The following SBF1 variants were observed in gnomAD, a reference collection of about 807,000 sequenced individuals.
SBF1 encodes the protein SET binding factor 1, also known as myotubularin-related protein 5.
SBF1 carries 65 observed loss-of-function variants against 215.8 expected under a neutral mutation model. That is an observed-to-expected ratio of 0.30 (90% confidence interval 0.25 to 0.37). SBF1 has a LOEUF of 0.37. Among genes scored for constraint, SBF1 ranks in the 10% least tolerant of loss-of-function variants. The pLI, the probability that SBF1 is intolerant of heterozygous loss-of-function variation, is 1.00. For synonymous variants in SBF1, 1,410 were observed against 1,122.8 expected, an observed-to-expected ratio of 1.26 and a Z score of -5.11; for missense variants, 2,634 against 2,667.8, an observed-to-expected ratio of 0.99 and a Z score of 0.28.
At position 50,462,053 on chromosome 22, in the gene SBF1, G is replaced by A. The variant is rs780745221; in HGVS notation, c.2463C>T (p.Asp821=). The A allele has an allele frequency of 1.8e-5, 29 of 1,614,070 alleles. No individual in the cohort carries two copies. The Admixed American group carries it at 2.0e-4, about 11-fold the overall frequency. ...ESGFEDAETC[D]VAGAVVRFIN... The stretch of plus-strand genomic sequence containing the variant: ...TGAAGCGGACCACAGCCCCAGCTAC[G>A]TCGCAGGTCTCTGCATCCTCGAAGC... Residue 821 remains aspartate (D), a synonymous_variant, in exon 20 of 41, where the codon GAC becomes GAT. Coordinates refer to ENST00000380817, the MANE Select transcript of SBF1 (RefSeq NM_002972.4).
At chr22:50,458,037 C>T (rs1296148153) in intron 28 of SBF1, among the ~76,000 whole-genome samples, 2 of 152,192 alleles carry the variant, frequency 1.3e-5, no homozygotes, top group African/African-American at 2.4e-5. Flanking sequence ...CAGTGGCTCA[C>T]GCCTGTAATC....
Position 50,459,624 on chromosome 22 carries a change from G to T in SBF1, c.3534C>A (p.Asn1178Lys). The change falls in exon 27 of 41, where the codon AAC becomes AAA. Residue 1178 changes from asparagine (N) to lysine (K), a missense_variant. Physicochemically the swap from Asn to Lys is moderately conservative, Grantham distance 94. Coordinates refer to ENST00000380817, the MANE Select transcript of SBF1 (RefSeq NM_002972.4). Reference sequence around the variant, plus strand: ...AGCAGCGGGACACGCGCTGCAGGGCGTTGTCCTGGACACTCTGGGGCACGA... The same window carrying T: ...AGCAGCGGGACACGCGCTGCAGGGCTTTGTCCTGGACACTCTGGGGCACGA... ...LLIVPQSVQD[N>K]ALQRVSRCYR... 2 of 1,609,606 alleles carry T rather than the reference G, an allele frequency of 1.2e-6. No homozygotes were observed. Among genetic ancestry groups the T allele is most frequent in the Non-Finnish European group, 1.7e-6 (2 of 1,178,836 alleles).
At position 50,456,341 on chromosome 22, in the gene SBF1, C is replaced by T; in HGVS notation, c.4141G>A (p.Glu1381Lys). Residue 1381 changes from glutamate to lysine, a missense_variant, in exon 31 of 41, where the codon GAG becomes AAG. Coordinates refer to ENST00000380817, the MANE Select transcript of SBF1 (RefSeq NM_002972.4). ...AAGCTAGCCTTCACCTGCCGTGCCT[C>T]GAATACCTCAATGGGCACCAGCTCC... ...QWELVPIEVF[E>K]ARQVKASFKK... 6.2e-7 allele frequency: 1 copy of T among 1,613,368 alleles called. No individual in the cohort carries two copies. Among genetic ancestry groups the T allele is most frequent in the Non-Finnish European group, 8.5e-7 (1 of 1,180,004 alleles).
intron 22 of SBF1, 49 bp from the exon 23 acceptor site, chr22:50,461,335 G>C (rs749465705): frequency 8.3e-6 from 13 of 1,563,852 alleles, no homozygotes; most frequent in Admixed American, 7.3e-5. Flanking sequence ...AAGGGGGGGG[G>C]GGTCCCAGAA....
chr22:50,448,388 A>C lies in SBF1; in HGVS notation c.5208T>G (p.Gly1736=). The change falls in exon 38 of 41, where the codon GGT becomes GGG. Residue 1736 remains glycine (G), a synonymous_variant. Coordinates refer to ENST00000380817, the MANE Select transcript of SBF1 (RefSeq NM_002972.4). ...STAPHHRRSL[G]VYLQEGPVGS... is the part of the protein sequence containing the mutation. ...CCACGGGCCCCTCCTGCAGGTACAC[A>C]CCCAGCGAGCGACGGTGGTGGGGTG... 2 of 1,613,880 alleles carry C rather than the reference A, an allele frequency of 1.2e-6. No homozygotes were observed. The highest frequency in any genetic ancestry group is 1.1e-5 in the South Asian group (1 of 91,082).
In SBF1 at chr22:50,462,267, T is replaced by A. The variant is rs371684891; in HGVS notation, c.2334A>T (p.Leu778=). 2.5e-6 allele frequency: 4 copies of A among 1,611,834 alleles called. No individual in the cohort carries two copies. The highest frequency in any genetic ancestry group is 3.4e-6 in the Non-Finnish European group (4 of 1,179,984). Residue 778 remains leucine (L), a synonymous_variant, in exon 19 of 41, where the codon CTA becomes CTT. Transcript: ENST00000380817. Reference sequence around the variant, plus strand: ...CGCCCAGCCCGGCACGCTCCCGAAGTAGGCGGCTCTTGCTGCTGTCCAGGG... The same window carrying A: ...CGCCCAGCCCGGCACGCTCCCGAAGAAGGCGGCTCTTGCTGCTGTCCAGGG... ...LLPLDSSKSR[L]LRERAGLGDL...
In SBF1 at chr22:50,464,979, G is replaced by A. The variant is rs773825562; in HGVS notation, c.1332+22C>T. 1.1e-5 allele frequency: 17 copies of A among 1,613,882 alleles called. No homozygotes were observed. In the South Asian group the frequency reaches 1.8e-4, roughly 17 times the overall value. ...CAGGCGGAGCCAGGGCAGGGGGCTGGGAGGGCAGGGTGGAGGTGCACCTCA... is the reference window on the plus strand; with the variant it reads ...CAGGCGGAGCCAGGGCAGGGGGCTGAGAGGGCAGGGTGGAGGTGCACCTCA... On this transcript the variant is annotated intron_variant, in intron 12 of 40. Transcript: ENST00000380817.
chr22:50,466,788 G>A (rs2067780352), intron 5 of SBF1, 78 bp from the exon 6 acceptor site: 5 of 1,024,884 alleles, frequency 4.9e-6, no homozygotes, highest in East Asian at 2.7e-5. Flanking sequence ...TGTGTCCCCA[G>A]GCAGACCCTG....
intron 36 of SBF1, among the ~76,000 whole-genome samples, chr22:50,449,289 G>A (rs944848923): frequency 2.6e-5 from 4 of 151,718 alleles, no homozygotes; most frequent in Non-Finnish European, 5.9e-5. Context: ...ACCCTGAAAT[G>A]AAACAGGAGT....
chr22:50,463,177 G>A lies in SBF1; in HGVS notation c.1899+106C>T, dbSNP rs1180764214. 6.2e-6 allele frequency: 9 copies of A among 1,443,962 alleles called. No homozygotes were observed. The Admixed American group carries it at 9.5e-5, about 15-fold the overall frequency. The allele number at this position is 1,443,962 out of a possible 1,614,324, so 89.4% of individuals were successfully genotyped here. A position where few individuals can be genotyped will look rare whatever the true frequency, so the allele number is the denominator to read the frequency against. On this transcript the variant is annotated intron_variant, in intron 16 of 40. Coordinates refer to ENST00000380817, the MANE Select transcript of SBF1 (RefSeq NM_002972.4). ...CGAGGACCCCTGCCCACTGGCACAG[G>A]AGTCTCTTGCACCGTCTCTCCACTC...
chr22:50,471,840 T>G (rs2068007191), intron 1 of SBF1, among the ~76,000 whole-genome samples: 1 of 152,020 alleles, frequency 6.6e-6, no homozygotes, highest in Non-Finnish European at 1.5e-5. Context: ...GGACAGTAGA[T>G]GGGGCTCAAG....
intron 4 of SBF1, 23 bp from the exon 5 acceptor site, chr22:50,467,471 T>C: frequency 6.2e-7 from 1 of 1,613,450 alleles, no homozygotes; most frequent in Non-Finnish European, 8.5e-7. Flanking sequence ...GAGCGGGGAG[T>C]GGTGGGACAG....
intron 36 of SBF1, among the ~76,000 whole-genome samples, chr22:50,449,907 G>A (rs1350288922): frequency 6.6e-6 from 1 of 152,200 alleles, no homozygotes; most frequent in Non-Finnish European, 1.5e-5. Context: ...CAGACAAGCA[G>A]TGCAGCTTGA....
chr22:50,473,326 C>A (rs973802107), intron 1 of SBF1, among the ~76,000 whole-genome samples: 9 of 152,194 alleles, frequency 5.9e-5, no homozygotes, highest in African/African-American at 2.2e-4. Flanking sequence ...GATCCTCAGG[C>A]ACCCTCTGCC....
In SBF1 at chr22:50,467,775, C is replaced by T. The variant is rs538116086; in HGVS notation, c.279+11G>A. ...CTTCATTCATGCTGTACCCAGAGGC[C>T]CCAAGCTGACCTGTGAAGGCTCCGC... On this transcript the variant is annotated intron_variant, in intron 3 of 40. Coordinates refer to ENST00000380817, the MANE Select transcript of SBF1 (RefSeq NM_002972.4). 42 of 1,613,712 alleles carry T rather than the reference C, an allele frequency of 2.6e-5. 1 individual carries two copies. The East Asian group carries it at 5.3e-4, about 21-fold the overall frequency.
chr22:50,446,280 C>T lies in SBF1; in HGVS notation c.*862G>A, dbSNP rs1424076205. ...GTCCATCCCCCATGGGCGTTGGCCC[C>T]TTACTCTGCCAGATGCTGCTCGTTG... On this transcript the variant is annotated 3_prime_UTR_variant, in exon 41 of 41. Transcript: ENST00000380817. 2.0e-5 allele frequency: 3 copies of T among 151,818 alleles called. No homozygotes were observed. The highest frequency in any genetic ancestry group is 2.9e-5 in the Non-Finnish European group (2 of 68,428). 9.4% of individuals were successfully genotyped at this position (151,818 alleles called of 1,614,324 possible). A position where few individuals can be genotyped will look rare whatever the true frequency, so the allele number is the denominator to read the frequency against.
chr22:50,456,822 G>A (rs1569510872), intron 29 of SBF1, 149 bp from the exon 30 acceptor site: 6 of 773,124 alleles, frequency 7.8e-6, no homozygotes, highest in Middle Eastern at 2.9e-4. Context: ...GAGGAGGGCT[G>A]GAACACACAG....
chr22:50,464,571 G>C lies in SBF1; in HGVS notation c.1599C>G (p.Ala533=), dbSNP rs369080978. The change falls in exon 14 of 41, where the codon GCC becomes GCG. Residue 533 remains alanine (A), a synonymous_variant. Coordinates refer to ENST00000380817, the MANE Select transcript of SBF1 (RefSeq NM_002972.4). ...CTGAGGGCACGGTGGTCCTCCTCTC[G>C]GCCTTCACAGCTGGGGGTGCACCCT... ...KMQGAPPAVK[A]ERRTTVPSGP... 12 of 1,611,934 alleles carry C rather than the reference G, an allele frequency of 7.4e-6. No homozygotes were observed. The East Asian group carries it at 2.7e-4, about 36-fold the overall frequency.
chr22:50,472,445 G>A (rs2068028894), intron 1 of SBF1, among the ~76,000 whole-genome samples: 1 of 152,248 alleles, frequency 6.6e-6, no homozygotes. Context: ...GAACAGAGAG[G>A]ATCCTCTACC....
Sources: gnomAD v4.1 joint callset for allele counts (sites outside exome capture counted in the v4.1 genomes callset) on GRCh38, gnomAD v4.1.1 for gene constraint, MANE v1.5 for transcripts, NCBI Gene and HGNC (gene_info 2026-07-23, HGNC 2026-07-21) for gene names.